Variants in CNGB3 observed in about 807,000 individuals in gnomAD.
The protein encoded by CNGB3 is cyclic nucleotide-gated channel beta-3.
In CNGB3, 86 loss-of-function variants were observed where a neutral mutation model predicts 92.8. The ratio of observed to expected loss-of-function variants is 0.93; its 90% CI spans 0.78 to 1.11. CNGB3 has a LOEUF of 1.11. Ranked by LOEUF, CNGB3 falls within the 50% of genes least tolerant of loss-of-function variation. The pLI is 0.00. For synonymous variants in CNGB3, 333 were observed against 332.7 expected, an observed-to-expected ratio of 1.00 and a Z score of -0.01; for missense variants, 1,026 against 956.8, an observed-to-expected ratio of 1.07 and a Z score of -0.95.
chr8:86,619,116 C>G (rs2131574641), intron 13 of CNGB3, among the ~76,000 whole-genome samples: 1 of 152,268 alleles, frequency 6.6e-6, no homozygotes, highest in East Asian at 1.9e-4. Flanking sequence ...ATTTTGGTAT[C>G]TCTGGGTCTC....
At chr8:86,665,354 CT>C (rs1823721550) in intron 6 of CNGB3, among the ~76,000 whole-genome samples, 1 of 152,194 alleles carries the variant, frequency 6.6e-6, no homozygotes, top group South Asian at 2.1e-4. Context: ...TGGAAATCAA[CT>C]TGGAGATTTC....
chr8:86,735,144 C>CTTTTTTTTTTT lies in CNGB3; in HGVS notation c.211+4500_211+4510dup, dbSNP rs10689543. On this transcript the variant is annotated intron_variant, in intron 2 of 17. Transcript: ENST00000320005. Reference sequence around the variant, plus strand: ...TCAATTTCATTTTTAAAATGGTTGCCTTTTTTTTTTTTTTTTGAGACAGAG... The same window carrying CTTTTTTTTTTT: ...TCAATTTCATTTTTAAAATGGTTGCCTTTTTTTTTTTTTTTTTTTTTTTTTTTGAGACAGAG... Among the ~76,000 whole-genome samples the CTTTTTTTTTTT allele has an allele frequency of 1.4e-4, 11 of 81,270 alleles. 1 individual carries two copies. Among genetic ancestry groups the CTTTTTTTTTTT allele is most frequent in the Non-Finnish European group, 1.8e-4 (9 of 49,292 alleles). 53.3% of individuals were successfully genotyped at this position (81,270 alleles called of 152,430 possible).
chr8:86,605,681 T>C (rs1255514862), intron 14 of CNGB3, among the ~76,000 whole-genome samples: 1 of 152,236 alleles, frequency 6.6e-6, no homozygotes. Context: ...CTGAGATGGC[T>C]GAGAGAATGT....
At chr8:86,683,118 A>C (rs1824114594) in intron 3 of CNGB3, among the ~76,000 whole-genome samples, 1 of 152,232 alleles carries the variant, frequency 6.6e-6, no homozygotes, top group Non-Finnish European at 1.5e-5. Flanking sequence ...GAAAGTATAG[A>C]TAGAGACATT....
chr8:86,638,259 T>C (rs1024524369), intron 10 of CNGB3, among the ~76,000 whole-genome samples: 1 of 152,146 alleles, frequency 6.6e-6, no homozygotes, highest in African/African-American at 2.4e-5. Context: ...ATTTTTGAGT[T>C]GTAGGGTAGT....
intron 7 of CNGB3, among the ~76,000 whole-genome samples, chr8:86,652,729 G>A (rs1213214026): frequency 6.6e-6 from 1 of 151,942 alleles, no homozygotes; most frequent in African/African-American, 2.4e-5. Flanking sequence ...TCCATAACAT[G>A]GGTGGAGCTG....
chr8:86,648,851 A>T (rs1159901272), intron 7 of CNGB3, among the ~76,000 whole-genome samples: 1 of 151,420 alleles, frequency 6.6e-6, no homozygotes, highest in Non-Finnish European at 1.5e-5. Context: ...ATCAAAAAAG[A>T]GGAAATCAAA....
At chr8:86,609,699 G>A (rs1822481582) in intron 14 of CNGB3, among the ~76,000 whole-genome samples, 1 of 152,110 alleles carries the variant, frequency 6.6e-6, no homozygotes, top group Non-Finnish European at 1.5e-5. Context: ...CTGATGCCTT[G>A]AAGTACCTCA....
intron 10 of CNGB3, among the ~76,000 whole-genome samples, chr8:86,636,312 C>T (rs9792402): frequency 0.021 from 3,129 of 152,070 alleles, 43 homozygotes; most frequent in South Asian, 0.031. Flanking sequence ...CGGCTCACAC[C>T]TGTAATCCCA....
At chr8:86,648,885 G>A (rs956843589) in intron 7 of CNGB3, among the ~76,000 whole-genome samples, 14 of 151,430 alleles carry the variant, frequency 9.2e-5, no homozygotes, top group Non-Finnish European at 2.1e-4. Context: ...CTGATGATAT[G>A]ATCGTATCCT....
intron 2 of CNGB3, among the ~76,000 whole-genome samples, chr8:86,736,630 C>T (rs1394047925): frequency 6.6e-6 from 1 of 152,028 alleles, no homozygotes; most frequent in Non-Finnish European, 1.5e-5. Flanking sequence ...CTCTCTTCCT[C>T]GGTACTTCCA....
intron 17 of CNGB3, 53 bp downstream of exon 17, chr8:86,578,636 A>G (rs887249088): frequency 6.4e-7 from 1 of 1,560,358 alleles, no homozygotes; most frequent in African/African-American, 1.4e-5. Flanking sequence ...GTGTGTATAT[A>G]CTTAGTCTGG....
chr8:86,587,420 T>G (rs1331590825), intron 15 of CNGB3, among the ~76,000 whole-genome samples: 2 of 152,140 alleles, frequency 1.3e-5, no homozygotes, highest in Admixed American at 6.5e-5. Context: ...CCCATGCCTA[T>G]GTCCTGAATG....
chr8:86,587,493 C>T (rs1326327792), intron 15 of CNGB3, among the ~76,000 whole-genome samples: 1 of 152,122 alleles, frequency 6.6e-6, no homozygotes, highest in East Asian at 1.9e-4. Flanking sequence ...AGTCTTTAAT[C>T]CATATTGAAT....
intron 13 of CNGB3, among the ~76,000 whole-genome samples, chr8:86,618,509 G>GT (rs1388032126): frequency 1.4e-5 from 2 of 145,232 alleles, no homozygotes; most frequent in African/African-American, 5.1e-5. Context: ...CATTTATTTA[G>GT]TATCTCCCCT....
At chr8:86,647,408 G>A (rs1823309788) in intron 8 of CNGB3, among the ~76,000 whole-genome samples, 1 of 150,250 alleles carries the variant, frequency 6.7e-6, no homozygotes, top group East Asian at 1.9e-4. Flanking sequence ...ATAATTTAGG[G>A]TAATCTAACC....
intron 2 of CNGB3, among the ~76,000 whole-genome samples, chr8:86,737,520 G>A (rs1387121886): frequency 3.3e-5 from 5 of 151,958 alleles, no homozygotes; most frequent in African/African-American, 4.8e-5. Context: ...TTACACAACA[G>A]GTTTAATGTA....
intron 9 of CNGB3, 63 bp downstream of exon 9, chr8:86,644,559 C>A: frequency 6.3e-7 from 1 of 1,575,224 alleles, no homozygotes; most frequent in South Asian, 1.1e-5. Context: ...CTGCCAAATT[C>A]CGTCTAAAAT....
intron 15 of CNGB3, among the ~76,000 whole-genome samples, chr8:86,582,782 CAG>C (rs1563714418): frequency 6.6e-6 from 1 of 152,088 alleles, no homozygotes; most frequent in Non-Finnish European, 1.5e-5. Flanking sequence ...AAAACAAAAA[CAG>C]AGGGAATCAA....
Sources: gnomAD v4.1 joint callset for allele counts (sites outside exome capture counted in the v4.1 genomes callset) on GRCh38, gnomAD v4.1.1 for gene constraint, MANE v1.5 for transcripts, NCBI Gene and HGNC (gene_info 2026-07-23, HGNC 2026-07-21) for gene names.